The following PATJ variants were observed in gnomAD, a reference collection of about 807,000 sequenced individuals.
PATJ encodes the protein PATJ crumbs cell polarity complex component, also known as inaD-like protein.
Under a neutral mutation model 224.9 loss-of-function variants are expected in PATJ, and 190 were observed. The observed-to-expected ratio is 0.84, with a 90% CI of 0.75 to 0.95. The LOEUF (loss-of-function observed/expected upper bound fraction) is 0.95, where lower values mean the gene tolerates loss of function less well. Ranked by LOEUF, PATJ falls within the 40% of genes least tolerant of loss-of-function variation. The pLI is 0.00. For synonymous variants in PATJ, 769 were observed against 820.3 expected (o/e 0.94, Z 1.07); for missense variants, 2,121 against 2,270.3 (o/e 0.93, Z 1.34).
intron 27 of PATJ, among the ~76,000 whole-genome samples, chr1:61,962,295 A>G (rs1280116889): frequency 1.3e-5 from 2 of 152,196 alleles, no homozygotes; most frequent in Non-Finnish European, 2.9e-5. Flanking sequence ...CACTCAGTAA[A>G]TATTAAATGA....
chr1:61,915,243 C>CA (rs1426040726), intron 26 of PATJ, among the ~76,000 whole-genome samples: 1 of 152,112 alleles, frequency 6.6e-6, no homozygotes, highest in Non-Finnish European at 1.5e-5. Context: ...ATTACTGTCC[C>CA]ACTGTTTTAA....
At position 62,121,261 on chromosome 1, in the gene PATJ, A is replaced by G. The variant is rs1044635172; in HGVS notation, c.4971A>G (p.Thr1657=). 2 of 1,613,818 alleles carry G rather than the reference A, an allele frequency of 1.2e-6. No individual in the cohort carries two copies. Among genetic ancestry groups the G allele is most frequent in the Non-Finnish European group, 1.7e-6 (2 of 1,179,784 alleles). Reference sequence around the variant, plus strand: ...CTGGCCTGCAAAACCTGGTTGGCACAAAAAGAGTTTCAGATCCTTCCCAGA... The same window carrying G: ...CTGGCCTGCAAAACCTGGTTGGCACGAAAAGAGTTTCAGATCCTTCCCAGA... ...VITGLQNLVG[T]KRVSDPSQKN... is the part of the protein sequence containing the mutation. The change falls in exon 38 of 44, where the codon ACA becomes ACG. Residue 1657 remains threonine, a synonymous_variant. Transcript: ENST00000642238.
chr1:61,817,386 G>A (rs976868042), intron 14 of PATJ, among the ~76,000 whole-genome samples: 8 of 152,094 alleles, frequency 5.3e-5, no homozygotes, highest in South Asian at 4.1e-4. Context: ...GGAGGGGACC[G>A]GGAGCGGTGG....
chr1:62,045,750 C>T (rs896292632), intron 30 of PATJ, among the ~76,000 whole-genome samples: 1 of 152,146 alleles, frequency 6.6e-6, no homozygotes, highest in Non-Finnish European at 1.5e-5. Context: ...GCCAGATGGT[C>T]CTCAAACCAC....
At chr1:61,791,616 T>C (rs1649885474) in intron 9 of PATJ, among the ~76,000 whole-genome samples, 169 bp downstream of exon 9, 1 of 152,218 alleles carries the variant, frequency 6.6e-6, no homozygotes, top group African/African-American at 2.4e-5. Flanking sequence ...CATTTTTATC[T>C]CAATAGTTTT....
intron 29 of PATJ, among the ~76,000 whole-genome samples, chr1:62,023,337 A>G (rs1425829455): frequency 6.6e-6 from 1 of 152,070 alleles, no homozygotes; most frequent in Non-Finnish European, 1.5e-5. Context: ...CATTAGATCT[A>G]GTTTTGGTAA....
In PATJ at chr1:61,819,624, G is replaced by A. The variant is rs1236679084; in HGVS notation, c.1684-3321G>A. ...TGGGGCGGCAGGCGGCGGTGGGGGG[G>A]CGCGGGTGGGAAGGCAGCTCCAATT... On this transcript the variant is annotated intron_variant, in intron 14 of 43. Transcript: ENST00000642238. Among the ~76,000 whole-genome samples the A allele has an allele frequency of 4.6e-5, 7 of 152,024 alleles. No homozygotes were observed. In the East Asian group the frequency reaches 9.6e-4, roughly 21 times the overall value.
intron 1 of PATJ, among the ~76,000 whole-genome samples, chr1:61,762,572 A>G (rs1646029202): frequency 6.6e-6 from 1 of 152,158 alleles, no homozygotes; most frequent in Non-Finnish European, 1.5e-5. Flanking sequence ...ACTTTATAAG[A>G]AACTACCAAT....
intron 17 of PATJ, among the ~76,000 whole-genome samples, chr1:61,839,165 T>C (rs1660687377): frequency 6.6e-6 from 1 of 152,074 alleles, no homozygotes; most frequent in Non-Finnish European, 1.5e-5. Flanking sequence ...TTAACCATCA[T>C]ACTATACTGC....
chr1:62,008,159 T>C (rs1646207042), intron 28 of PATJ, among the ~76,000 whole-genome samples: 1 of 152,058 alleles, frequency 6.6e-6, no homozygotes, highest in African/African-American at 2.4e-5. Flanking sequence ...AAAGAGAGAA[T>C]CTTGGTTGTC....
rs1298099897 is a variant in PATJ at position 61,876,205 on chromosome 1, G to T, written c.2959+839G>T. Reference sequence around the variant, plus strand: ...GAATACTTAAGGGTAAAAATTGAAGGCGTCTCTGAGATGATAACATACAGT... The same window carrying T: ...GAATACTTAAGGGTAAAAATTGAAGTCGTCTCTGAGATGATAACATACAGT... On this transcript the variant is annotated intron_variant, in intron 21 of 43. Transcript: ENST00000642238. Among the ~76,000 whole-genome samples the T allele has an allele frequency of 2.0e-5, 3 of 152,022 alleles. No homozygotes were observed. In the East Asian group the frequency reaches 5.8e-4, roughly 29 times the overall value.
intron 31 of PATJ, among the ~76,000 whole-genome samples, chr1:62,077,076 A>C (rs554868837): frequency 2.0e-4 from 31 of 152,288 alleles, no homozygotes; most frequent in African/African-American, 7.5e-4. Context: ...TCTTTAGTTT[A>C]AGAGGGCTGC....
chr1:62,017,453 G>A (rs1646836792), intron 28 of PATJ, among the ~76,000 whole-genome samples: 1 of 151,582 alleles, frequency 6.6e-6, no homozygotes, highest in African/African-American at 2.4e-5. Context: ...GCCAGGTGTG[G>A]TGGCTCACAC....
chr1:61,868,677 T>C (rs1665781097), intron 20 of PATJ, among the ~76,000 whole-genome samples: 1 of 151,992 alleles, frequency 6.6e-6, no homozygotes, highest in Non-Finnish European at 1.5e-5. Context: ...TGGTTCCAGC[T>C]ACTCGGGAGG....
At chr1:61,956,174 TTCC>T (rs1314548313) in intron 27 of PATJ, among the ~76,000 whole-genome samples, 2 of 152,208 alleles carry the variant, frequency 1.3e-5, no homozygotes, top group Non-Finnish European at 2.9e-5. Flanking sequence ...CTGACTTATC[TTCC>T]ATTGCGGAGG....
chr1:61,765,340 G>A (rs1476109834), intron 3 of PATJ, among the ~76,000 whole-genome samples: 1 of 150,940 alleles, frequency 6.6e-6, no homozygotes, highest in East Asian at 1.9e-4. Context: ...ATCTCCCAAA[G>A]TGCTGGGATT....
intron 39 of PATJ, among the ~76,000 whole-genome samples, chr1:62,123,326 T>TA (rs1665309843): frequency 2.0e-5 from 3 of 152,224 alleles, no homozygotes; most frequent in Admixed American, 6.5e-5. Context: ...TTTTCAATCT[T>TA]AGTCTTTTAA....
intron 21 of PATJ, among the ~76,000 whole-genome samples, chr1:61,878,239 G>A (rs1027445556): frequency 6.6e-6 from 1 of 152,132 alleles, no homozygotes; most frequent in Admixed American, 6.5e-5. Flanking sequence ...TTCCTCCTCA[G>A]TGTCCTCAGT....
chr1:62,125,497 C>T (rs543785516), intron 39 of PATJ, among the ~76,000 whole-genome samples: 10 of 152,150 alleles, frequency 6.6e-5, no homozygotes, highest in African/African-American at 9.6e-5. Context: ...TATTTGTTCC[C>T]GGTATTTTTC....
Sources: allele counts gnomAD v4.1 joint callset (sites outside exome capture counted in the v4.1 genomes callset), GRCh38; gene constraint gnomAD v4.1.1; transcripts MANE v1.5; gene names NCBI Gene and HGNC (gene_info 2026-07-23, HGNC 2026-07-21).